The following GRIA4 variants were observed in gnomAD, a reference collection of about 807,000 sequenced individuals.
GRIA4 encodes glutamate ionotropic receptor AMPA type subunit 4.
Under a neutral mutation model 104.0 loss-of-function variants are expected in GRIA4, and 34 were observed. The observed-to-expected ratio is 0.33, with a 90% CI of 0.25 to 0.44. GRIA4 has a LOEUF of 0.44. Among genes scored for constraint, GRIA4 ranks in the 20% least tolerant of loss-of-function variants. The probability of loss-of-function intolerance (pLI) is 1.00; values close to 1 mark genes in which losing one functional copy is unlikely to be tolerated. For synonymous variants in GRIA4, 386 were observed against 381.9 expected (o/e 1.01, Z -0.13); for missense variants, 750 against 1,096.5 (o/e 0.68, Z 4.46).
At chr11:105,726,140 G>A (rs1414062435) in intron 3 of GRIA4, among the ~76,000 whole-genome samples, 1 of 152,152 alleles carries the variant, frequency 6.6e-6, no homozygotes, top group Admixed American at 6.5e-5. Context: ...AAGATCCACT[G>A]GCTTGAAATT....
At chr11:105,866,220 TG>T (rs1945399933) in intron 5 of GRIA4, among the ~76,000 whole-genome samples, 1 of 152,194 alleles carries the variant, frequency 6.6e-6, no homozygotes, top group South Asian at 2.1e-4. Flanking sequence ...TGAGCTGAGA[TG>T]ATCTTGAAAA....
At chr11:105,630,510 G>C (rs1224666513) in intron 3 of GRIA4, among the ~76,000 whole-genome samples, 1 of 152,154 alleles carries the variant, frequency 6.6e-6, no homozygotes, top group African/African-American at 2.4e-5. Flanking sequence ...GTTGCAGTGA[G>C]CTGAGATCAC....
At chr11:105,745,181 A>T (rs1247208751) in intron 3 of GRIA4, among the ~76,000 whole-genome samples, 1 of 152,160 alleles carries the variant, frequency 6.6e-6, no homozygotes, top group Non-Finnish European at 1.5e-5. Flanking sequence ...TAAAATAATA[A>T]TAACGATATT....
At chr11:105,788,603 G>A (rs1942078260) in intron 4 of GRIA4, among the ~76,000 whole-genome samples, 2 of 152,142 alleles carry the variant, frequency 1.3e-5, no homozygotes, top group Admixed American at 6.6e-5. Context: ...CCACATGGAT[G>A]GAGCTGGACA....
intron 10 of GRIA4, among the ~76,000 whole-genome samples, chr11:105,916,216 A>C (rs949568081): frequency 6.6e-6 from 1 of 152,064 alleles, no homozygotes; most frequent in Non-Finnish European, 1.5e-5. Flanking sequence ...AAAATATCAA[A>C]ATACAGGGTC....
chr11:105,859,649 G>C (rs945548216), intron 4 of GRIA4, among the ~76,000 whole-genome samples: 9 of 152,156 alleles, frequency 5.9e-5, no homozygotes, highest in Non-Finnish European at 1.3e-4. Context: ...AGAGTATCGT[G>C]CCAAGCTGTG....
chr11:105,959,368 T>C (rs1948676607), intron 14 of GRIA4, among the ~76,000 whole-genome samples: 2 of 152,228 alleles, frequency 1.3e-5, no homozygotes, highest in South Asian at 4.1e-4. Context: ...CAAACTCTGA[T>C]ATCCTTTCTT....
chr11:105,773,360 C>T (rs766919210), intron 4 of GRIA4, among the ~76,000 whole-genome samples: 2 of 152,004 alleles, frequency 1.3e-5, no homozygotes, highest in Non-Finnish European at 2.9e-5. Context: ...TTCTATAAAA[C>T]AAGCAACTAA....
At chr11:105,779,687 A>C (rs1941633821) in intron 4 of GRIA4, among the ~76,000 whole-genome samples, 1 of 152,116 alleles carries the variant, frequency 6.6e-6, no homozygotes, top group African/African-American at 2.4e-5. Flanking sequence ...GGAACCAAAA[A>C]AGAGCCTGCA....
At chr11:105,633,628 C>G (rs1951096780) in intron 3 of GRIA4, among the ~76,000 whole-genome samples, 1 of 152,196 alleles carries the variant, frequency 6.6e-6, no homozygotes, top group South Asian at 2.1e-4. Context: ...ATCAAAGAGT[C>G]TATAGATGTA....
chr11:105,780,875 C>T (rs749806509), intron 4 of GRIA4, among the ~76,000 whole-genome samples: 5 of 152,138 alleles, frequency 3.3e-5, no homozygotes, highest in African/African-American at 4.8e-5. Flanking sequence ...CTTATTCCTA[C>T]AGGTTTGATT....
At position 105,816,372 on chromosome 11, in the gene GRIA4, C is replaced by T. The variant is rs1591300211; in HGVS notation, c.488-45652C>T. Reference sequence around the variant, plus strand: ...TCTCATGAATGGTTTACCACCATCCCTCTTGATCCTGTTCTCATGATAGTG... The same window carrying T: ...TCTCATGAATGGTTTACCACCATCCTTCTTGATCCTGTTCTCATGATAGTG... On this transcript the variant is annotated intron_variant, in intron 4 of 16. Coordinates refer to ENST00000282499, the MANE Select transcript of GRIA4 (RefSeq NM_000829.4). Among the ~76,000 whole-genome samples, 6 of 152,170 alleles carry T rather than the reference C, an allele frequency of 3.9e-5. 1 individual carries two copies. The highest frequency in any genetic ancestry group is 3.9e-4 in the Admixed American group (6 of 15,268).
chr11:105,706,097 A>G (rs1489099293), intron 3 of GRIA4, among the ~76,000 whole-genome samples: 1 of 152,238 alleles, frequency 6.6e-6, no homozygotes, highest in Non-Finnish European at 1.5e-5. Context: ...ACTAATACAG[A>G]GTAATATCCA....
At chr11:105,943,551 A>ATGC (rs764993568) in intron 14 of GRIA4, among the ~76,000 whole-genome samples, 23 of 152,122 alleles carry the variant, frequency 1.5e-4, no homozygotes, top group Non-Finnish European at 3.1e-4. Context: ...CATCGTAACA[A>ATGC]CCTTAACAAC....
At chr11:105,645,237 T>A (rs1317839986) in intron 3 of GRIA4, among the ~76,000 whole-genome samples, 2 of 152,184 alleles carry the variant, frequency 1.3e-5, no homozygotes, top group African/African-American at 4.8e-5. Flanking sequence ...AAAAAGAATT[T>A]GTGACACAAC....
intron 16 of GRIA4, 30 bp from the exon 17 acceptor site, chr11:105,979,545 T>C (rs779575308): frequency 6.2e-7 from 1 of 1,606,074 alleles, no homozygotes; most frequent in Non-Finnish European, 8.5e-7. Context: ...ACACTCCGCG[T>C]TCTTTCTGCT....
intron 3 of GRIA4, among the ~76,000 whole-genome samples, chr11:105,752,101 T>C (rs901732440): frequency 7.2e-5 from 11 of 152,098 alleles, no homozygotes; most frequent in Non-Finnish European, 1.2e-4. Context: ...ATCAGTTATG[T>C]TAAAAGAGTG....
intron 5 of GRIA4, among the ~76,000 whole-genome samples, chr11:105,872,977 A>T (rs1945672455): frequency 6.6e-6 from 1 of 151,876 alleles, no homozygotes; most frequent in Non-Finnish European, 1.5e-5. Flanking sequence ...CAGAATGTGC[A>T]GGTTTATTAC....
At chr11:105,732,789 G>T (rs1019155636) in intron 3 of GRIA4, among the ~76,000 whole-genome samples, 1 of 152,164 alleles carries the variant, frequency 6.6e-6, no homozygotes, top group Admixed American at 6.6e-5. Context: ...CAGGGAGGCT[G>T]GGAAAACAGT....
Sources: gnomAD v4.1 joint callset for allele counts (sites outside exome capture counted in the v4.1 genomes callset) on GRCh38, gnomAD v4.1.1 for gene constraint, MANE v1.5 for transcripts, NCBI Gene and HGNC (gene_info 2026-07-23, HGNC 2026-07-21) for gene names.